Variants in RFX3 observed in about 807,000 individuals in gnomAD.
RFX3 encodes transcription factor RFX3.
RFX3 carries 14 observed loss-of-function variants against 98.6 expected under a neutral mutation model. The observed-to-expected ratio is 0.14, with a 90% CI of 0.09 to 0.22. The LOEUF is 0.22. Among genes scored for constraint, RFX3 ranks in the 10% least tolerant of loss-of-function variants. RFX3 has a pLI of 1.00. For missense variants in RFX3, 639 were observed against 926.9 expected (o/e 0.69, Z 4.03); for synonymous variants, 383 against 328.4 (o/e 1.17, Z -1.80).
chr9:3,288,031 G>T, intron 7 of RFX3, 100 bp downstream of exon 7: 1 of 1,103,216 alleles, frequency 9.1e-7, no homozygotes, highest in Non-Finnish European at 1.3e-6. Context: ...CCAACAATAA[G>T]AACGTTCTTT....
rs575518484 is a variant in RFX3, at chr9:3,324,006, A to G, written c.474+6253T>C. The G allele has an allele frequency of 4.9e-4, 220 of 447,762 alleles. 2 individuals carry two copies. Among genetic ancestry groups the G allele is most frequent in the Non-Finnish European group, 1.6e-4 (33 of 211,050 alleles). The allele number at this position is 447,762 out of a possible 1,614,324, so 27.7% of individuals were successfully genotyped here. On this transcript the variant is annotated intron_variant, in intron 4 of 16. Coordinates refer to ENST00000617270, the MANE Select transcript of RFX3 (RefSeq NM_001282116.2). ...ATTAAATGCTTTGAAAATGAGGCCC[A>G]GAACCTTCAGTCAATTTATGATTTA... is the stretch of plus-strand genomic sequence containing the variant.
intron 5 of RFX3, among the ~76,000 whole-genome samples, chr9:3,294,234 C>T (rs1355502968): frequency 6.6e-6 from 1 of 152,086 alleles, no homozygotes; most frequent in Non-Finnish European, 1.5e-5. Context: ...AGTCTGGTTT[C>T]CAATTCACAT....
chr9:3,297,727 G>C (rs1431219704), intron 5 of RFX3, among the ~76,000 whole-genome samples: 1 of 151,822 alleles, frequency 6.6e-6, no homozygotes, highest in African/African-American at 2.4e-5. Flanking sequence ...AATGTATTTT[G>C]GTAGCTAAAA....
rs12004881 is a variant in RFX3, at chr9:3,252,099, C to T, written c.1815-3914G>A. 5.0e-3 allele frequency among the ~76,000 whole-genome samples: 756 copies of T among 150,932 alleles called. 8 individuals carry two copies. Among genetic ancestry groups the T allele is most frequent in the African/African-American group, 0.017 (712 of 41,200 alleles). Reference sequence around the variant, plus strand: ...CCGACCTCAGGTGATCCGCCCACCTCGGCCTTCTGTTAAAATATAATAACC... The same window carrying T: ...CCGACCTCAGGTGATCCGCCCACCTTGGCCTTCTGTTAAAATATAATAACC... On this transcript the variant is annotated intron_variant, in intron 14 of 16. Transcript: ENST00000617270.
chr9:3,258,936 G>C (rs1822501373), intron 13 of RFX3, among the ~76,000 whole-genome samples: 1 of 151,480 alleles, frequency 6.6e-6, no homozygotes, highest in African/African-American at 2.4e-5. Flanking sequence ...TAAAATAAAA[G>C]AGGATCATAT....
chr9:3,518,984 A>G (rs1818445714), intron 1 of RFX3, among the ~76,000 whole-genome samples: 1 of 152,198 alleles, frequency 6.6e-6, no homozygotes, highest in Non-Finnish European at 1.5e-5. Context: ...ACAACTGACT[A>G]GACTATTTAT....
chr9:3,321,883 CT>C (rs1831362101), intron 4 of RFX3, among the ~76,000 whole-genome samples: 2 of 152,010 alleles, frequency 1.3e-5, no homozygotes, highest in African/African-American at 4.8e-5. Context: ...ATATCATTTA[CT>C]GATAATCCAT....
chr9:3,355,895 A>G (rs1835691674), intron 2 of RFX3, among the ~76,000 whole-genome samples: 1 of 151,962 alleles, frequency 6.6e-6, no homozygotes, highest in Non-Finnish European at 1.5e-5. Context: ...TAAAAAGTCC[A>G]ACATATTTGT....
At chr9:3,317,707 A>G (rs577999748) in intron 4 of RFX3, among the ~76,000 whole-genome samples, 19 of 152,336 alleles carry the variant, frequency 1.2e-4, no homozygotes, top group African/African-American at 3.4e-4. Context: ...AAAAGTGGGC[A>G]AAGGATATGA....
At chr9:3,483,366 C>A (rs940833647) in intron 1 of RFX3, among the ~76,000 whole-genome samples, 2 of 152,158 alleles carry the variant, frequency 1.3e-5, no homozygotes, top group Non-Finnish European at 2.9e-5. Flanking sequence ...CCTGTTGAGA[C>A]AGGTACCATT....
At chr9:3,297,844 C>T (rs956130957) in intron 5 of RFX3, among the ~76,000 whole-genome samples, 2 of 151,888 alleles carry the variant, frequency 1.3e-5, no homozygotes, top group East Asian at 1.9e-4. Context: ...AAATGTACAA[C>T]CTTAAATTTC....
intron 1 of RFX3, among the ~76,000 whole-genome samples, chr9:3,476,075 TG>T (rs1030118332): frequency 2.0e-5 from 3 of 152,136 alleles, no homozygotes; most frequent in Non-Finnish European, 4.4e-5. Flanking sequence ...TATCTCTGTA[TG>T]GCCTAGTTTT....
chr9:3,426,462 C>A (rs904153393), intron 1 of RFX3, among the ~76,000 whole-genome samples: 1 of 152,032 alleles, frequency 6.6e-6, no homozygotes, highest in African/African-American at 2.4e-5. Context: ...GTGGAACCCA[C>A]CCAGGTACCA....
At chr9:3,403,974 T>C (rs535439326) in intron 1 of RFX3, among the ~76,000 whole-genome samples, 1 of 152,288 alleles carries the variant, frequency 6.6e-6, no homozygotes, top group Non-Finnish European at 1.5e-5. Context: ...CTCTTTTTCT[T>C]TTAATAAAAG....
At chr9:3,311,200 A>T (rs1458617904) in intron 4 of RFX3, among the ~76,000 whole-genome samples, 1 of 152,202 alleles carries the variant, frequency 6.6e-6, no homozygotes, top group African/African-American at 2.4e-5. Flanking sequence ...TACACTTAAA[A>T]CCAGGAATTT....
intron 4 of RFX3, among the ~76,000 whole-genome samples, chr9:3,318,642 A>G (rs1830907740): frequency 1.3e-5 from 2 of 151,696 alleles, no homozygotes; most frequent in Admixed American, 6.6e-5. Context: ...ATCTTTTCTA[A>G]GGTTTTATAA....
chr9:3,412,167 G>A (rs967247236), intron 1 of RFX3, among the ~76,000 whole-genome samples: 3 of 152,160 alleles, frequency 2.0e-5, no homozygotes, highest in Non-Finnish European at 4.4e-5. Flanking sequence ...CCAAAGTACA[G>A]TAGAACTACT....
In RFX3 at chr9:3,433,106, T is replaced by C. The variant is rs576104162; in HGVS notation, c.-8-37510A>G. Among the ~76,000 whole-genome samples, 45 of 152,146 alleles carry C rather than the reference T, an allele frequency of 3.0e-4. 1 individual carries two copies. In the South Asian group the frequency reaches 3.3e-3, roughly 11 times the overall value. On this transcript the variant is annotated intron_variant, in intron 1 of 16. Coordinates refer to ENST00000617270, the MANE Select transcript of RFX3 (RefSeq NM_001282116.2). ...AAAAAGGCGGCCCCATACATGTGGGTTGTGTATCCCATAATACTGTATTTT... is the reference window on the plus strand; with the variant it reads ...AAAAAGGCGGCCCCATACATGTGGGCTGTGTATCCCATAATACTGTATTTT...
chr9:3,333,685 A>G lies in RFX3; in HGVS notation c.216-3168T>C, dbSNP rs1832848818. Among the ~76,000 whole-genome samples, 3 of 152,184 alleles carry G rather than the reference A, an allele frequency of 2.0e-5. No individual in the cohort carries two copies. The South Asian group carries it at 6.2e-4, about 32-fold the overall frequency. ...CTTAAAATAGCACAATCTAATGTTGATATTTAAGTATAGTCAAATAAGCTG... is the reference window on the plus strand; with the variant it reads ...CTTAAAATAGCACAATCTAATGTTGGTATTTAAGTATAGTCAAATAAGCTG... On this transcript the variant is annotated intron_variant, in intron 3 of 16. Coordinates refer to ENST00000617270, the MANE Select transcript of RFX3 (RefSeq NM_001282116.2).
Sources: allele counts gnomAD v4.1 joint callset (sites outside exome capture counted in the v4.1 genomes callset), GRCh38; gene constraint gnomAD v4.1.1; transcripts MANE v1.5; gene names NCBI Gene and HGNC (gene_info 2026-07-23, HGNC 2026-07-21).